Variants in PRDM11 observed in about 807,000 individuals in gnomAD.
The protein encoded by PRDM11 is PR/SET domain 11.
PRDM11 carries 20 observed loss-of-function variants against 97.8 expected under a neutral mutation model. The ratio of observed to expected loss-of-function variants is 0.20; its 90% CI spans 0.14 to 0.30. The LOEUF (loss-of-function observed/expected upper bound fraction) is 0.30. PRDM11 is among the 10% of genes least tolerant of loss of function. The probability of loss-of-function intolerance (pLI) is 1.00; values close to 1 mark genes in which losing one functional copy is unlikely to be tolerated. For synonymous variants in PRDM11, 599 were observed against 637.7 expected (o/e 0.94, Z 0.91); for missense variants, 1,139 against 1,555.2 (o/e 0.73, Z 4.50).
intron 4 of PRDM11, among the ~76,000 whole-genome samples, chr11:45,187,176 G>A (rs1468709265): frequency 2.0e-5 from 3 of 152,204 alleles, no homozygotes; most frequent in Non-Finnish European, 4.4e-5. Flanking sequence ...CAGAGGCAGA[G>A]TATTGCTTGG....
intron 1 of PRDM11, among the ~76,000 whole-genome samples, chr11:45,153,008 C>T (rs996641535): frequency 1.3e-5 from 2 of 152,106 alleles, no homozygotes; most frequent in Non-Finnish European, 2.9e-5. Context: ...GGCAGGGAGG[C>T]CAAATAAGAG....
Position 45,202,172 on chromosome 11 carries a change from A to G in PRDM11, c.487-2539A>G, listed in dbSNP as rs929581872. On this transcript the variant is annotated intron_variant, in intron 4 of 7. Coordinates refer to ENST00000683152, the MANE Select transcript of PRDM11 (RefSeq NM_001384648.1). ...CTTTTTCCCATCATTCTTTCATTCA[A>G]CCAGTATTCCACCATGTGCCATGCC... 2.0e-5 allele frequency among the ~76,000 whole-genome samples: 3 copies of G among 152,194 alleles called. No homozygotes were observed. In the East Asian group the frequency reaches 5.8e-4, roughly 29 times the overall value.
At chr11:45,107,018 T>C (rs10769116) in intron 1 of PRDM11, among the ~76,000 whole-genome samples, 71,518 of 152,108 alleles carry the variant, frequency 0.47, 20,361 homozygotes, top group African/African-American at 0.79. Context: ...AGCCAAAAGA[T>C]GGAGAACTGC....
At chr11:45,214,290 A>C (rs1324190879) in intron 5 of PRDM11, 1 of 155,646 alleles carries the variant, frequency 6.4e-6, no homozygotes, top group East Asian at 1.9e-4. Context: ...ATACAAGCTT[A>C]GCTCTGACCT....
At chr11:45,149,970 T>G (rs1836646870) in intron 1 of PRDM11, among the ~76,000 whole-genome samples, 1 of 152,206 alleles carries the variant, frequency 6.6e-6, no homozygotes, top group Admixed American at 6.5e-5. Context: ...GGAAAGCAGC[T>G]AGGGTGATCT....
intron 4 of PRDM11, among the ~76,000 whole-genome samples, chr11:45,196,996 G>C (rs1853145719): frequency 6.6e-6 from 1 of 152,144 alleles, no homozygotes; most frequent in African/African-American, 2.4e-5. Flanking sequence ...CTAGTACTTA[G>C]CATGTGATGA....
chr11:45,122,689 G>T (rs903024621), intron 1 of PRDM11, among the ~76,000 whole-genome samples: 9 of 152,034 alleles, frequency 5.9e-5, no homozygotes, highest in African/African-American at 2.2e-4. Context: ...TTTTATGGCT[G>T]CATAGTATTC....
intron 1 of PRDM11, among the ~76,000 whole-genome samples, chr11:45,175,929 T>G (rs1300646954): frequency 1.3e-5 from 2 of 152,274 alleles, no homozygotes; most frequent in African/African-American, 4.8e-5. Context: ...ATGGTTTTCC[T>G]TAAAGCATAT....
intron 4 of PRDM11, among the ~76,000 whole-genome samples, chr11:45,197,364 T>C (rs1853160539): frequency 6.6e-6 from 1 of 152,168 alleles, no homozygotes; most frequent in East Asian, 1.9e-4. Context: ...TAGGGAAATA[T>C]TAGTCCAAGG....
intron 5 of PRDM11, among the ~76,000 whole-genome samples, chr11:45,209,674 C>T (rs1439287919): frequency 1.3e-5 from 2 of 152,188 alleles, no homozygotes; most frequent in African/African-American, 4.8e-5. Context: ...GCAGGGCTGA[C>T]TTCATGAGCA....
At chr11:45,162,460 C>A (rs887115818) in intron 1 of PRDM11, among the ~76,000 whole-genome samples, 17 of 152,280 alleles carry the variant, frequency 1.1e-4, no homozygotes, top group Middle Eastern at 3.4e-3. Context: ...CCTCACAGAG[C>A]CTGCTGCTGG....
At chr11:45,194,591 TG>T (rs143123105) in intron 4 of PRDM11, among the ~76,000 whole-genome samples, 28,924 of 62,726 alleles carry the variant, frequency 0.46, 7,332 homozygotes, top group Non-Finnish European at 0.59. Context: ...TATTATCTTC[TG>T]TTTTTTTTTT....
chr11:45,131,958 G>A (rs1852731245), intron 1 of PRDM11, among the ~76,000 whole-genome samples: 1 of 152,096 alleles, frequency 6.6e-6, no homozygotes, highest in Non-Finnish European at 1.5e-5. Flanking sequence ...TTGCTGGATG[G>A]CTGCAGCAGT....
chr11:45,124,518 T>C (rs1444749106), intron 1 of PRDM11, among the ~76,000 whole-genome samples: 1 of 152,248 alleles, frequency 6.6e-6, no homozygotes, highest in Non-Finnish European at 1.5e-5. Flanking sequence ...ATACGTCCCA[T>C]CAATACCTAA....
intron 4 of PRDM11, among the ~76,000 whole-genome samples, chr11:45,184,681 G>GA (rs1852640209): frequency 6.6e-6 from 1 of 152,040 alleles, no homozygotes; most frequent in South Asian, 2.1e-4. Context: ...TGGGTTGAGG[G>GA]AAAAATCATG....
rs1854407692 is a variant in PRDM11 at position 45,232,029 on chromosome 11, CAT to C, written c.*3871_*3872del. 6.6e-6 allele frequency: 1 copy of C among 152,170 alleles called. No homozygotes were observed. The allele number at this position is 152,170 out of a possible 1,614,324, so 9.4% of individuals were successfully genotyped here. A position where few individuals can be genotyped will look rare whatever the true frequency, so the allele number is the denominator to read the frequency against. ...GGGTCTCTGACCTCAGCCTCTGCCA[CAT>C]GTTTCCAAGTTGAGTTGTTTTGCTG... On this transcript the variant is annotated 3_prime_UTR_variant, in exon 8 of 8. Transcript: ENST00000683152.
rs747244319 is a variant in PRDM11, at chr11:45,219,551, T to A, written c.555-19T>A. 1.2e-6 allele frequency: 2 copies of A among 1,607,248 alleles called. No individual in the cohort carries two copies. Among genetic ancestry groups the A allele is most frequent in the African/African-American group, 2.7e-5 (2 of 74,800 alleles). ...AAAGGGTGGCCCGTGCGTTCTCACC[T>A]GTCTCCCCTCCCCACCAGGTACGTG... On this transcript the variant is annotated intron_variant, in intron 5 of 7. Transcript: ENST00000683152. The surrounding 1 kb of genome is among the most constrained non-coding windows in gnomAD (Gnocchi z 4.2).
Position 45,224,702 on chromosome 11 carries a change from T to C in PRDM11, c.1228T>C (p.Phe410Leu), listed in dbSNP as rs1341929799. 1.2e-6 allele frequency: 2 copies of C among 1,614,026 alleles called. No individual in the cohort carries two copies. The highest frequency in any genetic ancestry group is 2.7e-5 in the African/African-American group (2 of 74,916). The change falls in exon 7 of 8, where the codon TTT becomes CTT. Residue 410 changes from phenylalanine (F) to leucine (L), a missense_variant. Around this residue, in one of 2 missense-constraint regions of PRDM11, gnomAD observed 710 missense variants for 1,044.9 expected, o/e 0.68. Transcript: ENST00000683152. ...CCCTCATGAACTTCCCACCACCTCTTTTTGCCCTAACTGTATTCGCCTAAA... is the reference window on the plus strand; with the variant it reads ...CCCTCATGAACTTCCCACCACCTCTCTTTGCCCTAACTGTATTCGCCTAAA... ...SDPHELPTTS[F>L]CPNCIRLKKK...
At position 45,121,912 on chromosome 11, in the gene PRDM11, A is replaced by G. The variant is rs182500133; in HGVS notation, c.96+26011A>G. ...ATAATGAAAATTGTGAGCTGCATCTAAAGGCTGTGGTTACAGAAACATTTA... is the reference window on the plus strand; with the variant it reads ...ATAATGAAAATTGTGAGCTGCATCTGAAGGCTGTGGTTACAGAAACATTTA... On this transcript the variant is annotated intron_variant, in intron 1 of 6. Coordinates refer to the PRDM11 transcript ENST00000530656. Among the ~76,000 whole-genome samples the G allele has an allele frequency of 4.9e-3, 745 of 152,296 alleles. 2 individuals carry two copies. Among genetic ancestry groups the G allele is most frequent in the Non-Finnish European group, 7.2e-3 (488 of 68,010 alleles).
Sources: allele counts gnomAD v4.1 joint callset (sites outside exome capture counted in the v4.1 genomes callset), GRCh38; gene constraint gnomAD v4.1.1; regional missense constraint gnomAD v4.1.1; non-coding constraint Gnocchi (gnomAD v3.1); transcripts MANE v1.5; gene names NCBI Gene and HGNC (gene_info 2026-07-23, HGNC 2026-07-21).